RIMBP2: variants seen among roughly 807,000 people sequenced by gnomAD.
RIMBP2 encodes RIMS-binding protein 2.
In RIMBP2, 48 loss-of-function variants were observed where a neutral mutation model predicts 118.6. The observed-to-expected ratio is 0.40, with a 90% CI of 0.32 to 0.51. RIMBP2 has a LOEUF of 0.51. RIMBP2 is among the 20% of genes least tolerant of loss of function. The probability of loss-of-function intolerance (pLI) is 0.41; values close to 1 mark genes in which losing one functional copy is unlikely to be tolerated. For synonymous variants in RIMBP2, 762 were observed against 742.9 expected (o/e 1.03, Z -0.42); for missense variants, 1,551 against 1,768.3 (o/e 0.88, Z 2.20).
At chr12:130,701,026 CAAG>C (rs1441000113) in intron 1 of RIMBP2, among the ~76,000 whole-genome samples, 1 of 152,226 alleles carries the variant, frequency 6.6e-6, no homozygotes, top group Admixed American at 6.5e-5. Flanking sequence ...CTAGGACAGA[CAAG>C]AAGAGTGCAC....
intron 2 of RIMBP2, among the ~76,000 whole-genome samples, chr12:130,549,148 T>C (rs2055480966): frequency 1.3e-5 from 2 of 152,194 alleles, no homozygotes; most frequent in South Asian, 4.1e-4. Flanking sequence ...GACTGCCTAA[T>C]TCAAACGTGT....
intron 2 of RIMBP2, among the ~76,000 whole-genome samples, chr12:130,608,379 C>A (rs1379733474): frequency 6.6e-6 from 1 of 152,258 alleles, no homozygotes; most frequent in Non-Finnish European, 1.5e-5. Flanking sequence ...AGCCTCCTGC[C>A]TACACTGATT....
chr12:130,681,541 T>A (rs7977801), intron 1 of RIMBP2, among the ~76,000 whole-genome samples: 15,080 of 145,458 alleles, frequency 0.1, 1,231 homozygotes, highest in African/African-American at 0.23. Context: ...TGATTTTTTT[T>A]AAAAAAATCA....
rs902345318 is a variant in RIMBP2, at chr12:130,424,973, G to C, written c.2413-115C>G. 6.8e-5 allele frequency: 37 copies of C among 546,354 alleles called. No individual in the cohort carries two copies. The highest frequency in any genetic ancestry group is 5.7e-4 in the Admixed American group (13 of 22,892). The allele number at this position is 546,354 out of a possible 1,614,324, so 33.8% of individuals were successfully genotyped here. A position where few individuals can be genotyped will look rare whatever the true frequency, so the allele number is the denominator to read the frequency against. ...GAATTAGTCCTGGAGGCACCGAGGG[G>C]GGGGAAGCATGCGTCTACTCAGGCC... On this transcript the variant is annotated intron_variant, in intron 15 of 22. Coordinates refer to ENST00000690449, the MANE Select transcript of RIMBP2 (RefSeq NM_001393629.1). The surrounding 1 kb of genome is among the most constrained non-coding windows in gnomAD (Gnocchi z 9.8).
chr12:130,459,906 G>T (rs1466926696), intron 6 of RIMBP2, among the ~76,000 whole-genome samples: 1 of 152,200 alleles, frequency 6.6e-6, no homozygotes, highest in African/African-American at 2.4e-5. Context: ...GCTTCCCAAG[G>T]TCAGCCCCTT....
chr12:130,594,685 G>C (rs184624975), intron 2 of RIMBP2, among the ~76,000 whole-genome samples: 20 of 152,212 alleles, frequency 1.3e-4, no homozygotes, highest in Admixed American at 2.6e-4. Flanking sequence ...TTGTTTTAAG[G>C]GGGGGGTGTG....
At chr12:130,505,228 C>A (rs2050187078) in intron 4 of RIMBP2, among the ~76,000 whole-genome samples, 2 of 152,102 alleles carry the variant, frequency 1.3e-5, no homozygotes, top group African/African-American at 4.8e-5. Context: ...CAGCTTGGTT[C>A]ACATTCAGGG....
intron 1 of RIMBP2, among the ~76,000 whole-genome samples, chr12:130,705,179 T>C (rs2066042872): frequency 6.6e-6 from 1 of 152,174 alleles, no homozygotes; most frequent in Non-Finnish European, 1.5e-5. Context: ...AACTGAGTTT[T>C]TCACAAATCA....
chr12:130,624,798 T>C (rs893732198), intron 2 of RIMBP2, among the ~76,000 whole-genome samples: 27 of 152,330 alleles, frequency 1.8e-4, no homozygotes, highest in African/African-American at 6.0e-4. Context: ...TATCTCAGCT[T>C]ACTGCAACCT....
At chr12:130,645,146 G>A (rs2062801050) in intron 1 of RIMBP2, among the ~76,000 whole-genome samples, 2 of 151,394 alleles carry the variant, frequency 1.3e-5, no homozygotes, top group African/African-American at 2.4e-5. Flanking sequence ...CTGGAGTGCA[G>A]TGGCGCAATC....
In RIMBP2 at chr12:130,456,476, C is replaced by T. The variant is rs549119780; in HGVS notation, c.358+20G>A. 5.4e-5 allele frequency: 84 copies of T among 1,545,094 alleles called. 1 individual carries two copies. Among genetic ancestry groups the T allele is most frequent in the South Asian group, 4.7e-4 (38 of 81,184 alleles). On this transcript the variant is annotated intron_variant, in intron 7 of 22. Transcript: ENST00000690449. ...CATTCTCTCCCCACCACAGCCAAGG[C>T]GGAAGGTCCAGGCGCTTACCTTTGC...
chr12:130,689,246 G>A (rs896752457), intron 1 of RIMBP2, among the ~76,000 whole-genome samples: 3 of 152,048 alleles, frequency 2.0e-5, no homozygotes, highest in Non-Finnish European at 4.4e-5. Flanking sequence ...CAGCCTGGCC[G>A]ATGTGGCGAA....
In RIMBP2 at chr12:130,596,647, C is replaced by T. The variant is rs532618879; in HGVS notation, c.-217+31675G>A. Among the ~76,000 whole-genome samples, 13 of 152,280 alleles carry T rather than the reference C, an allele frequency of 8.5e-5. No individual in the cohort carries two copies. In the East Asian group the frequency reaches 1.4e-3, roughly 16 times the overall value. On this transcript the variant is annotated intron_variant, in intron 2 of 22. Transcript: ENST00000690449. ...TCTGCCGTAGTCACAGTGTGTAATG[C>T]GGTGCATGGGACACAGTAAGTGCTC... is the stretch of plus-strand genomic sequence containing the variant.
intron 6 of RIMBP2, among the ~76,000 whole-genome samples, chr12:130,467,396 G>T (rs996040209): frequency 1.3e-5 from 2 of 152,188 alleles, no homozygotes; most frequent in Admixed American, 1.3e-4. Flanking sequence ...TAGCTCATCT[G>T]GTCTTGTGGT....
At chr12:130,445,753 G>C (rs935987554) in intron 9 of RIMBP2, among the ~76,000 whole-genome samples, 2 of 152,100 alleles carry the variant, frequency 1.3e-5, no homozygotes, top group South Asian at 2.1e-4. Context: ...TCTTTTTAAT[G>C]GGTGTAGAGT....
intron 4 of RIMBP2, among the ~76,000 whole-genome samples, chr12:130,494,386 C>A (rs1173029215): frequency 6.6e-6 from 1 of 152,142 alleles, no homozygotes; most frequent in African/African-American, 2.4e-5. Flanking sequence ...TACCTGTAAT[C>A]CCAGCACTTT....
intron 22 of RIMBP2, among the ~76,000 whole-genome samples, chr12:130,399,453 G>A (rs1268545783): frequency 6.6e-6 from 1 of 152,092 alleles, no homozygotes; most frequent in Non-Finnish European, 1.5e-5. Context: ...GTGAGTAAAG[G>A]CAGATTGATT....
At chr12:130,477,939 G>A (rs984469047) in intron 5 of RIMBP2, among the ~76,000 whole-genome samples, 1 of 152,202 alleles carries the variant, frequency 6.6e-6, no homozygotes, top group African/African-American at 2.4e-5. Flanking sequence ...GGGCAGGGCT[G>A]GGTGGGGACA....
At chr12:130,498,441 G>A (rs2049402495) in intron 4 of RIMBP2, among the ~76,000 whole-genome samples, 1 of 152,186 alleles carries the variant, frequency 6.6e-6, no homozygotes, top group Non-Finnish European at 1.5e-5. Flanking sequence ...CATTTTGGTA[G>A]GGAAGACAAA....
Sources: gnomAD v4.1 joint callset for allele counts (sites outside exome capture counted in the v4.1 genomes callset) on GRCh38, gnomAD v4.1.1 for gene constraint, Gnocchi (gnomAD v3.1) non-coding constraint, MANE v1.5 for transcripts, NCBI Gene and HGNC (gene_info 2026-07-23, HGNC 2026-07-21) for gene names.